FOLR3: variants seen among roughly 807,000 people sequenced by gnomAD.
FOLR3 encodes folate receptor gamma, also known as folate receptor 3 (gamma).
In FOLR3, 9 loss-of-function variants were observed where a neutral mutation model predicts 20.0. The ratio of observed to expected loss-of-function variants is 0.45; its 90% confidence interval spans 0.27 to 0.79. The LOEUF is 0.79. Ranked by LOEUF, FOLR3 falls within the 30% of genes least tolerant of loss-of-function variation. The pLI, the probability that FOLR3 is intolerant of heterozygous loss-of-function variation, is 0.15. For missense variants in FOLR3, 309 were observed against 323.5 expected (o/e 0.96, Z 0.34); for synonymous variants, 124 against 115.5 (o/e 1.07, Z -0.47).
Position 72,139,359 on chromosome 11 carries a change from T to C in FOLR3, c.370T>C (p.Trp124Arg). ...GPWIRQVNQS[W>R]RKERILNVPL... is the part of the protein sequence containing the mutation. ...CCTCCCCACTCAGGTCAACCAGAGCTGGCGCAAAGAGCGCATTCTGAACGT... is the reference window on the plus strand; with the variant it reads ...CCTCCCCACTCAGGTCAACCAGAGCCGGCGCAAAGAGCGCATTCTGAACGT... The change falls in exon 4 of 5, where the codon TGG (tryptophan) becomes CGG (arginine). Residue 124 changes from tryptophan to arginine, a missense_variant. Coordinates refer to ENST00000611028, the MANE Select transcript of FOLR3 (RefSeq NM_000804.4). The C allele has an allele frequency of 6.2e-7, 1 of 1,611,820 alleles. No individual in the cohort carries two copies. Among genetic ancestry groups the C allele is most frequent in the South Asian group, 1.1e-5 (1 of 90,762 alleles).
intron 2 of FOLR3, 119 bp from the exon 3 acceptor site, chr11:72,138,842 C>G (rs1178620594): frequency 8.0e-7 from 1 of 1,254,576 alleles, no homozygotes; most frequent in East Asian, 2.5e-5. Flanking sequence ...GGTGGGAGCT[C>G]CTCAAGGGCC....
intron 3 of FOLR3, 83 bp from the exon 4 acceptor site, chr11:72,139,264 C>G: frequency 6.4e-7 from 1 of 1,555,620 alleles, no homozygotes; most frequent in Middle Eastern, 1.7e-4. Context: ...CGCCCTGCCC[C>G]CTCCCACAGC....
At chr11:72,135,880 T>C (rs549670777) in intron 1 of FOLR3, 67 bp from the exon 2 acceptor site, 2 of 1,511,400 alleles carry the variant, frequency 1.3e-6, no homozygotes, top group South Asian at 1.1e-5. Context: ...AGGGAGAGAG[T>C]ACACAATCAC....
chr11:72,139,072 C>A lies in FOLR3; in HGVS notation c.280C>A (p.Pro94Thr), dbSNP rs1284134129. The change falls in exon 3 of 5, where the codon CCC (proline) becomes ACC (threonine). Residue 94 changes from proline (P) to threonine (T), a missense_variant. Physicochemically the swap from Pro to Thr is conservative, Grantham distance 38. Coordinates refer to ENST00000611028, the MANE Select transcript of FOLR3 (RefSeq NM_000804.4). ...FNWDHCGKME[P>T]TCKRHFIQDS... ...CTGGGATCACTGTGGTAAGATGGAA[C>A]CCACCTGCAAGCGCCACTTTATCCA... 6 of 1,611,540 alleles carry A rather than the reference C, an allele frequency of 3.7e-6. No homozygotes were observed. Among genetic ancestry groups the A allele is most frequent in the Admixed American group, 1.7e-5 (1 of 59,554 alleles).
At position 72,139,871 on chromosome 11, in the gene FOLR3, C is replaced by A; in HGVS notation, c.*40C>A. 6.2e-7 allele frequency: 1 copy of A among 1,604,622 alleles called. No individual in the cohort carries two copies. Among genetic ancestry groups the A allele is most frequent in the Non-Finnish European group, 8.5e-7 (1 of 1,173,580 alleles). Reference sequence around the variant, plus strand: ...TCTGGGGTTCTTCCAACAACCTATTCTAATAGACAAATCCACATGTGTCTT... The same window carrying A: ...TCTGGGGTTCTTCCAACAACCTATTATAATAGACAAATCCACATGTGTCTT... On this transcript the variant is annotated 3_prime_UTR_variant, in exon 5 of 5. Transcript: ENST00000611028.
At chr11:72,136,430 T>C (rs1450734898) in intron 2 of FOLR3, among the ~76,000 whole-genome samples, 1 of 151,950 alleles carries the variant, frequency 6.6e-6, no homozygotes, top group Non-Finnish European at 1.5e-5. Context: ...GGACACAATC[T>C]GTGGGTTAAA....
intron 2 of FOLR3, among the ~76,000 whole-genome samples, chr11:72,136,405 G>A (rs1947743227): frequency 6.6e-6 from 1 of 152,090 alleles, no homozygotes; most frequent in African/African-American, 2.4e-5. Flanking sequence ...TGTGCCTAGG[G>A]AGAGACTGTG....
chr11:72,138,847 A>G (rs1947775966), intron 2 of FOLR3, 114 bp from the exon 3 acceptor site: 3 of 1,309,702 alleles, frequency 2.3e-6, no homozygotes, highest in South Asian at 2.5e-5. Context: ...GAGCTCCTCA[A>G]GGGCCCTCCC....
chr11:72,139,353 C>T lies in FOLR3; in HGVS notation c.364C>T (p.Gln122Ter), dbSNP rs1263445015. The T allele has an allele frequency of 2.5e-6, 4 of 1,611,326 alleles. No individual in the cohort carries two copies. The highest frequency in any genetic ancestry group is 3.4e-6 in the Non-Finnish European group (4 of 1,178,552). Residue 122 changes from glutamine to a stop codon, truncating the protein, a stop_gained, in exon 4 of 5, where the codon CAG (glutamine) becomes TAG (stop). Transcript: ENST00000611028. LOFTEE classifies it high-confidence loss of function. ...NLGPWIRQVN[Q>*]SWRKERILNV... ...CTGTCTCCTCCCCACTCAGGTCAAC[C>T]AGAGCTGGCGCAAAGAGCGCATTCT...
At chr11:72,138,353 C>A (rs553315412) in intron 2 of FOLR3, among the ~76,000 whole-genome samples, 1 of 151,744 alleles carries the variant, frequency 6.6e-6, no homozygotes, top group Non-Finnish European at 1.5e-5. Context: ...GCAACAGGAG[C>A]GAAACTCTGT....
In FOLR3 at chr11:72,139,015, C is replaced by T. The variant is rs1488861984; in HGVS notation, c.223C>T (p.His75Tyr). ...CCTASTSQELHKDTSRLYNFN... is the reference protein window; with the variant it reads ...CCTASTSQELYKDTSRLYNFN... ...CACGGCCAGCACCAGCCAGGAGCTG[C>T]ACAAGGACACCTCCCGCCTGTACAA... Residue 75 changes from histidine to tyrosine, a missense_variant, in exon 3 of 5, where the codon CAC becomes TAC. His to Tyr is a moderately conservative substitution (Grantham distance 83). Transcript: ENST00000611028. 1.9e-6 allele frequency: 3 copies of T among 1,613,960 alleles called. No homozygotes were observed. The highest frequency in any genetic ancestry group is 1.3e-5 in the African/African-American group (1 of 75,020).
Position 72,139,022 on chromosome 11 carries a change from A to T in FOLR3, c.230A>T (p.Asp77Val). 6 of 1,613,956 alleles carry T rather than the reference A, an allele frequency of 3.7e-6. No individual in the cohort carries two copies. Among genetic ancestry groups the T allele is most frequent in the Non-Finnish European group, 5.1e-6 (6 of 1,179,880 alleles). The part of the protein sequence containing the change: ...TASTSQELHK[D>V]TSRLYNFNWD... The stretch of plus-strand genomic sequence containing the variant: ...AGCACCAGCCAGGAGCTGCACAAGG[A>T]CACCTCCCGCCTGTACAACTTTAAC... The change falls in exon 3 of 5, where the codon GAC becomes GTC. Residue 77 changes from aspartate (D) to valine (V), a missense_variant. Transcript: ENST00000611028.
Position 72,136,024 on chromosome 11 carries a change from C to T in FOLR3, c.72C>T (p.Pro24=). The part of the protein sequence containing the change: ...ALVTAAGSAQ[P]RSARARTDLL... Reference sequence around the variant, plus strand: ...TGACTGCTGCGGGGAGTGCCCAGCCCAGGAGTGCGCGGGCCAGGACGGACC... The same window carrying T: ...TGACTGCTGCGGGGAGTGCCCAGCCTAGGAGTGCGCGGGCCAGGACGGACC... Residue 24 remains proline (P), a synonymous_variant, in exon 2 of 5, where the codon CCC becomes CCT. Coordinates refer to ENST00000611028, the MANE Select transcript of FOLR3 (RefSeq NM_000804.4). The T allele has an allele frequency of 1.9e-6, 3 of 1,613,946 alleles. No homozygotes were observed.
intron 2 of FOLR3, among the ~76,000 whole-genome samples, chr11:72,138,211 A>AC (rs1481869485): frequency 2.6e-5 from 4 of 152,088 alleles, no homozygotes; most frequent in African/African-American, 9.7e-5. Flanking sequence ...TACTAAAAAT[A>AC]CAAAATTAGC....
Position 72,139,811 on chromosome 11 carries a change from C to T in FOLR3, c.718C>T (p.Arg240Cys), listed in dbSNP as rs370372415. The change falls in exon 5 of 5, where the codon CGT becomes TGT. Residue 240 changes from arginine to cysteine, a missense_variant. Physicochemically the swap from Arg to Cys is radical, Grantham distance 180 (BLOSUM62 -3). Coordinates refer to ENST00000611028, the MANE Select transcript of FOLR3 (RefSeq NM_000804.4). ...GGCCATGAATGCTGGGGCCCCGTCTCGTGGGATTATTGATTCCTGATCCAA... is the reference window on the plus strand; with the variant it reads ...GGCCATGAATGCTGGGGCCCCGTCTTGTGGGATTATTGATTCCTGATCCAA... ...AAAMNAGAPS[R>C]GIIDS is the part of the protein sequence containing the mutation. 2.2e-5 allele frequency: 35 copies of T among 1,613,848 alleles called. No homozygotes were observed. Among genetic ancestry groups the T allele is most frequent in the South Asian group, 3.3e-5 (3 of 91,082 alleles).
At chr11:72,136,180 A>G in intron 2 of FOLR3, 60 bp downstream of exon 2, 1 of 1,589,174 alleles carries the variant, frequency 6.3e-7, no homozygotes, top group Non-Finnish European at 8.6e-7. Context: ...GGCACGAGCA[A>G]TGGCAGGTCC....
rs1027195136 is a variant in FOLR3 at position 72,135,894 on chromosome 11, G to A, written c.-6-53G>A. ...GAGGGAGAGAGTACACAATCACATG[G>A]CTGTTGCCCCTGTCTCAGGCCTTGT... On this transcript the variant is annotated intron_variant, in intron 1 of 4. Coordinates refer to ENST00000611028, the MANE Select transcript of FOLR3 (RefSeq NM_000804.4). The A allele has an allele frequency of 1.1e-3, 1,751 of 1,555,674 alleles. 19 individuals carry two copies. The African/African-American group carries it at 0.022, about 20-fold the overall frequency.
At position 72,138,208 on chromosome 11, in the gene FOLR3, A is replaced by G. The variant is rs371366406; in HGVS notation, c.169-753A>G. 4.4e-3 allele frequency among the ~76,000 whole-genome samples: 666 copies of G among 152,216 alleles called. 7 individuals are homozygous for G. Among genetic ancestry groups the G allele is most frequent in the African/African-American group, 0.015 (629 of 41,536 alleles). ...ATGGTGAACCCCCGTCTCTACTAAA[A>G]ATACAAAATTAGCTGGGCATGGTGG... On this transcript the variant is annotated intron_variant, in intron 2 of 4. Transcript: ENST00000611028.
chr11:72,135,789 C>G, intron 1 of FOLR3, 21 bp downstream of exon 1: 1 of 753,140 alleles, frequency 1.3e-6, no homozygotes, highest in Non-Finnish European at 2.2e-6. Flanking sequence ...GGCTCCCTCT[C>G]ACCTCTACAC....
Sources: allele counts gnomAD v4.1 joint callset (sites outside exome capture counted in the v4.1 genomes callset), GRCh38; gene constraint gnomAD v4.1.1; transcripts MANE v1.5; gene names NCBI Gene and HGNC (gene_info 2026-07-23, HGNC 2026-07-21).